Variants in FERMT2 observed in about 807,000 individuals in gnomAD.
The protein encoded by FERMT2 is FERM domain containing kindlin 2.
Under a neutral mutation model 82.7 loss-of-function variants are expected in FERMT2, and 15 were observed. The observed-to-expected ratio is 0.18, with a 90% CI of 0.12 to 0.28. The LOEUF is 0.28. Among genes scored for constraint, FERMT2 ranks in the 10% least tolerant of loss-of-function variants. The probability of loss-of-function intolerance (pLI) is 1.00; values close to 1 mark genes in which losing one functional copy is unlikely to be tolerated. For synonymous variants in FERMT2, 274 were observed against 271.5 expected (o/e 1.01, Z -0.09); for missense variants, 645 against 809.4 (o/e 0.80, Z 2.46).
At chr14:52,932,041 G>GA (rs1446057196) in intron 2 of FERMT2, among the ~76,000 whole-genome samples, 1 of 152,012 alleles carries the variant, frequency 6.6e-6, no homozygotes, top group Non-Finnish European at 1.5e-5. Flanking sequence ...AAAAGAAAAA[G>GA]AAAAAAATGT....
intron 2 of FERMT2, among the ~76,000 whole-genome samples, chr14:52,948,006 A>T (rs1346778741): frequency 6.6e-6 from 1 of 152,220 alleles, no homozygotes; most frequent in Non-Finnish European, 1.5e-5. Flanking sequence ...GAGTTTGAAA[A>T]TGTAAGTGAA....
rs530368741 is a variant in FERMT2 at position 52,916,114 on chromosome 14, T to C, written c.391+3009A>G. On this transcript the variant is annotated intron_variant, in intron 3 of 14. Coordinates refer to ENST00000341590, the MANE Select transcript of FERMT2 (RefSeq NM_006832.3). Reference sequence around the variant, plus strand: ...ATCCCAGCACTTTGGGAGGCGGAGGTGGGTGGATCGCCTGAGGTCAGGAGT... The same window carrying C: ...ATCCCAGCACTTTGGGAGGCGGAGGCGGGTGGATCGCCTGAGGTCAGGAGT... Among the ~76,000 whole-genome samples, 792 of 151,578 alleles carry C rather than the reference T, an allele frequency of 5.2e-3. 8 individuals are homozygous for C. The highest frequency in any genetic ancestry group is 0.018 in the African/African-American group (737 of 41,348).
intron 10 of FERMT2, among the ~76,000 whole-genome samples, chr14:52,870,919 C>CT (rs1220979378): frequency 1.3e-5 from 2 of 152,300 alleles, no homozygotes; most frequent in East Asian, 3.9e-4. Flanking sequence ...GTCTGGAGCC[C>CT]TTTTCCCTGG....
chr14:52,888,128 C>T (rs559256515), intron 4 of FERMT2, among the ~76,000 whole-genome samples: 46 of 151,838 alleles, frequency 3.0e-4, no homozygotes, highest in Non-Finnish European at 4.0e-4. Flanking sequence ...TTGTTTATAT[C>T]AACAATATAC....
Position 52,869,381 on chromosome 14 carries a change from G to A in FERMT2, c.1273+3418C>T, listed in dbSNP as rs185083109. Reference sequence around the variant, plus strand: ...CTACTAGGCAGAGCTCATGTACTAGGGTACAGATTTCAACACTGTGTTGAA... The same window carrying A: ...CTACTAGGCAGAGCTCATGTACTAGAGTACAGATTTCAACACTGTGTTGAA... On this transcript the variant is annotated intron_variant, in intron 10 of 14. Coordinates refer to ENST00000341590, the MANE Select transcript of FERMT2 (RefSeq NM_006832.3). Among the ~76,000 whole-genome samples, 365 of 152,184 alleles carry A rather than the reference G, an allele frequency of 2.4e-3. 2 individuals are homozygous for A. The highest frequency in any genetic ancestry group is 8.1e-3 in the African/African-American group (338 of 41,518).
At position 52,933,796 on chromosome 14, in the gene FERMT2, G is replaced by A. The variant is rs187987944; in HGVS notation, c.158-14440C>T. Among the ~76,000 whole-genome samples, 120 of 147,880 alleles carry A rather than the reference G, an allele frequency of 8.1e-4. 1 individual carries two copies. Among genetic ancestry groups the A allele is most frequent in the African/African-American group, 2.8e-3 (111 of 39,936 alleles). On this transcript the variant is annotated intron_variant, in intron 2 of 14. Transcript: ENST00000341590. ...CTGTTACTGAAGTATCTTATAATCC[G>A]TTAACAGGTTCCACAAATCTGTGCC...
intron 2 of FERMT2, among the ~76,000 whole-genome samples, chr14:52,934,176 A>G (rs1446486781): frequency 6.6e-6 from 1 of 152,260 alleles, no homozygotes; most frequent in South Asian, 2.1e-4. Context: ...TTTGTAATAT[A>G]CAGGCAGCAT....
intron 4 of FERMT2, among the ~76,000 whole-genome samples, chr14:52,886,351 T>C (rs949087614): frequency 6.6e-6 from 1 of 151,930 alleles, no homozygotes; most frequent in African/African-American, 2.4e-5. Flanking sequence ...ATACATGTAT[T>C]TTTTTAGAGA....
chr14:52,874,160 C>T lies in FERMT2; in HGVS notation c.1148+17G>A, dbSNP rs1885810736. ...TGACAGTTATTAATATTTGGCATCC[C>T]TCCTTTTTGTACTTACTTGAAAACT... On this transcript the variant is annotated intron_variant, in intron 9 of 14. Transcript: ENST00000341590. 2.6e-6 allele frequency: 4 copies of T among 1,540,386 alleles called. No individual in the cohort carries two copies. Among genetic ancestry groups the T allele is most frequent in the Non-Finnish European group, 3.6e-6 (4 of 1,126,322 alleles).
intron 3 of FERMT2, among the ~76,000 whole-genome samples, chr14:52,909,464 A>G (rs1370383401): frequency 6.6e-6 from 1 of 152,212 alleles, no homozygotes; most frequent in Non-Finnish European, 1.5e-5. Context: ...TGTGAAAAAG[A>G]AGGCTCTTAT....
intron 4 of FERMT2, among the ~76,000 whole-genome samples, chr14:52,892,159 G>GTTTTT (rs1555368979): frequency 2.5e-5 from 2 of 78,828 alleles, no homozygotes; most frequent in African/African-American, 7.8e-5. Context: ...AGAGAAGGCT[G>GTTTTT]TTTTTTGTTT....
At chr14:52,901,103 TA>T (rs1887604449) in intron 3 of FERMT2, among the ~76,000 whole-genome samples, 1 of 4,306 alleles carries the variant, frequency 2.3e-4, no homozygotes, top group African/African-American at 1.0e-3. Context: ...CTACTAAAAA[TA>T]CAAAAAAAAA....
chr14:52,935,467 G>A lies in FERMT2; in HGVS notation c.157+14945C>T, dbSNP rs140554661. On this transcript the variant is annotated intron_variant, in intron 2 of 14. Coordinates refer to ENST00000341590, the MANE Select transcript of FERMT2 (RefSeq NM_006832.3). ...CCTTGGGGAGGTAAATCAAGTCATG[G>A]AGGTGGAGTGCTTCTGGTGGAACTG... Among the ~76,000 whole-genome samples, 231 of 152,296 alleles carry A rather than the reference G, an allele frequency of 1.5e-3. 1 individual carries two copies. The highest frequency in any genetic ancestry group is 5.2e-3 in the African/African-American group (218 of 41,550).
At chr14:52,903,616 A>C (rs755005622) in intron 3 of FERMT2, among the ~76,000 whole-genome samples, 4 of 152,170 alleles carry the variant, frequency 2.6e-5, no homozygotes, top group Non-Finnish European at 5.9e-5. Flanking sequence ...TGGAAGCCAA[A>C]AGATAATTTA....
At position 52,878,800 on chromosome 14, in the gene FERMT2, C is replaced by T. The variant is rs184360826; in HGVS notation, c.856-111G>A. 19 of 550,310 alleles carry T rather than the reference C, an allele frequency of 3.5e-5. No homozygotes were observed. In the East Asian group the frequency reaches 6.1e-4, roughly 18 times the overall value. 34.1% of individuals were successfully genotyped at this position (550,310 alleles called of 1,614,324 possible). ...AATTTAATGCTTTTTTTCCTGGGAT[C>T]TTAATTTACAAGCAAGAATTTTTAT... is the stretch of plus-strand genomic sequence containing the variant. On this transcript the variant is annotated intron_variant, in intron 6 of 14. Coordinates refer to ENST00000341590, the MANE Select transcript of FERMT2 (RefSeq NM_006832.3).
At chr14:52,892,890 C>G (rs1484333382) in intron 4 of FERMT2, among the ~76,000 whole-genome samples, 1 of 152,202 alleles carries the variant, frequency 6.6e-6, no homozygotes, top group African/African-American at 2.4e-5. Context: ...AACAAGAGAA[C>G]TGGGCTTCCT....
At chr14:52,882,533 C>A (rs1168917714) in intron 4 of FERMT2, among the ~76,000 whole-genome samples, 1 of 152,140 alleles carries the variant, frequency 6.6e-6, no homozygotes, top group Admixed American at 6.5e-5. Context: ...ACAAGCAGCT[C>A]CCCCAAGTCC....
chr14:52,945,266 C>T (rs996973766), intron 2 of FERMT2, among the ~76,000 whole-genome samples: 2 of 150,384 alleles, frequency 1.3e-5, no homozygotes, highest in Non-Finnish European at 3.0e-5. Flanking sequence ...GGGTTGGGGG[C>T]GGGGGGACGG....
Position 52,881,378 on chromosome 14 carries a change from A to C in FERMT2, c.618T>G (p.Ala206=). ...HDGSPLSPTS[A]WFGDSALSEG... is the part of the protein sequence containing the mutation. The stretch of plus-strand genomic sequence containing the variant: ...CTGACAAAGCACTGTCACCAAACCA[A>C]GCAGAAGTTGGTGACAAGGGGCTTC... The change falls in exon 5 of 15, where the codon GCT becomes GCG. Residue 206 remains alanine (A), a synonymous_variant. Transcript: ENST00000341590. 6.2e-7 allele frequency: 1 copy of C among 1,613,916 alleles called. No individual in the cohort carries two copies. Among genetic ancestry groups the C allele is most frequent in the Non-Finnish European group, 8.5e-7 (1 of 1,179,914 alleles).
Sources: gnomAD v4.1 joint callset for allele counts (sites outside exome capture counted in the v4.1 genomes callset) on GRCh38, gnomAD v4.1.1 for gene constraint, MANE v1.5 for transcripts, NCBI Gene and HGNC (gene_info 2026-07-23, HGNC 2026-07-21) for gene names.